The following PCSK4 variants were observed in gnomAD, a reference collection of about 807,000 sequenced individuals.
The protein encoded by PCSK4 is testicular tissue protein Li 135.
In PCSK4, 64 loss-of-function variants were observed where a neutral mutation model predicts 80.3. The ratio of observed to expected loss-of-function variants is 0.80; its 90% CI spans 0.65 to 0.98. The LOEUF is 0.98. Ranked by LOEUF, PCSK4 falls within the 50% of genes least tolerant of loss-of-function variation. The pLI, the probability that PCSK4 is intolerant of heterozygous loss-of-function variation, is 0.00. For synonymous variants in PCSK4, 561 were observed against 487.6 expected (o/e 1.15, Z -1.98); for missense variants, 1,213 against 1,093.6 (o/e 1.11, Z -1.54).
At chr19:1,490,612 C>T, upstream of PCSK4, 1 of 426,352 alleles carries the variant, frequency 2.3e-6, no homozygotes, top group Non-Finnish European at 4.1e-6. Context: ...CCCAGAGAAG[C>T]GGGTTCACTG....
intron 8 of PCSK4, among the ~76,000 whole-genome samples, chr19:1,485,935 T>C (rs994352691): frequency 4.0e-5 from 6 of 151,030 alleles, no homozygotes; most frequent in African/African-American, 1.2e-4. Context: ...CCTCCCAAAG[T>C]GAGCTGTTGC....
intron 2 of PCSK4, among the ~76,000 whole-genome samples, chr19:1,489,225 G>A (rs1448961945): frequency 2.7e-5 from 4 of 148,400 alleles, no homozygotes; most frequent in Non-Finnish European, 5.9e-5. Flanking sequence ...TCCGCCTCCC[G>A]GGTTCACACC....
At chr19:1,490,469 G>T, upstream of PCSK4, 1 of 535,428 alleles carries the variant, frequency 1.9e-6, no homozygotes, top group Non-Finnish European at 3.3e-6. Flanking sequence ...CTCCCAGGGG[G>T]CCTTGCGGCT....
At chr19:1,488,748 T>G (rs567814293) in intron 2 of PCSK4, among the ~76,000 whole-genome samples, 2 of 152,040 alleles carry the variant, frequency 1.3e-5, no homozygotes, top group Non-Finnish European at 2.9e-5. Context: ...GCCCGGCTAA[T>G]TTTTGTACAT....
exon 14 of PCSK4, chr19:1,482,471 C>T (rs765237169): frequency 9.4e-6 from 15 of 1,601,666 alleles, no homozygotes; most frequent in Admixed American, 6.7e-5. Context: ...AGCGGTACAA[C>T]GTCCCTGGAC....
In PCSK4 at chr19:1,483,774, G is replaced by C; in HGVS notation, c.1274-7C>G. The C allele has an allele frequency of 7.0e-6, 11 of 1,575,278 alleles. No homozygotes were observed. The highest frequency in any genetic ancestry group is 8.6e-6 in the Non-Finnish European group (10 of 1,168,342). ...TATCCGTAGTGATGGCTCACTGCGC[G>C]GAAGGGCAGCAGTCACTCGCCCCGT... On this transcript the variant is annotated splice_region_variant and splice_polypyrimidine_tract_variant and intron_variant, in intron 10 of 14. Coordinates refer to ENST00000300954, the Ensembl canonical transcript of PCSK4.
rs765580373 is a variant in PCSK4 at position 1,483,275 on chromosome 19, G to A, written c.1571+9C>T. 1.9e-6 allele frequency: 3 copies of A among 1,567,518 alleles called. No individual in the cohort carries two copies. Among genetic ancestry groups the A allele is most frequent in the Non-Finnish European group, 8.7e-7 (1 of 1,155,922 alleles). ...TGAGGCCGCCCCCTCTCCTCTGCGG[G>A]CCGCTCACCGTATGGCCACGAGTGT... On this transcript the variant is annotated intron_variant, in intron 12 of 14. Coordinates refer to ENST00000300954, the Ensembl canonical transcript of PCSK4.
chr19:1,484,259 G>A (rs1017521589), intron 8 of PCSK4, 132 bp from the exon 9 acceptor site: 16 of 581,378 alleles, frequency 2.8e-5, no homozygotes, highest in East Asian at 6.3e-5. Context: ...AGGCTGAGGC[G>A]GGCGTGTTGT....
exon 6 of PCSK4, chr19:1,487,646 A>G: frequency 6.4e-7 from 1 of 1,554,904 alleles, no homozygotes. Flanking sequence ...CACAGAAGCC[A>G]TTGTTGGCCA....
At chr19:1,483,041 G>A in intron 12 of PCSK4, 21 bp from the exon 13 acceptor site, 1 of 1,496,750 alleles carries the variant, frequency 6.7e-7, no homozygotes, top group Non-Finnish European at 9.0e-7. Flanking sequence ...AGGGTGGGTG[G>A]GGGTGGGGGT....
chr19:1,484,184 T>A (rs1197653055), intron 8 of PCSK4, 57 bp from the exon 9 acceptor site: 2 of 1,004,416 alleles, frequency 2.0e-6, no homozygotes, highest in African/African-American at 3.2e-5. Flanking sequence ...ATACAGCCCT[T>A]CTTCAAAAAG....
chr19:1,490,253 G>A, exon 1 of PCSK4: 1 of 1,610,842 alleles, frequency 6.2e-7, no homozygotes, highest in South Asian at 1.1e-5. Flanking sequence ...ACATAGATGG[G>A]GGCTCGGACC....
chr19:1,490,088 C>G (rs1599257555), intron 1 of PCSK4, 70 bp downstream of exon 1: 1 of 1,577,800 alleles, frequency 6.3e-7, no homozygotes, highest in East Asian at 2.3e-5. Context: ...GCTCCCTCCC[C>G]CTTGTCGGGG....
At chr19:1,484,588 T>G (rs1235606216) in intron 8 of PCSK4, among the ~76,000 whole-genome samples, 1 of 148,512 alleles carries the variant, frequency 6.7e-6, no homozygotes, top group Admixed American at 6.7e-5. Context: ...GAGGCCGAGG[T>G]GGGTGGATCA....
At chr19:1,485,560 C>A (rs1014425710) in intron 8 of PCSK4, among the ~76,000 whole-genome samples, 4 of 151,632 alleles carry the variant, frequency 2.6e-5, no homozygotes, top group East Asian at 1.9e-4. Context: ...GGTGACAGAG[C>A]GAGACTCCAT....
At chr19:1,484,163 G>C in intron 8 of PCSK4, 36 bp from the exon 9 acceptor site, 1 of 1,200,052 alleles carries the variant, frequency 8.3e-7, no homozygotes, top group East Asian at 2.6e-5. Context: ...GGGGGGCCGT[G>C]CACAGTGAGA....
exon 15 of PCSK4, chr19:1,481,727 C>A (rs368872756): frequency 6.9e-7 from 1 of 1,439,342 alleles, no homozygotes; most frequent in Admixed American, 2.5e-5. Flanking sequence ...GGGACCCAGG[C>A]GGGGGCAAGG....
intron 6 of PCSK4, 133 bp downstream of exon 6, chr19:1,487,470 C>A (rs1382029175): frequency 9.9e-7 from 1 of 1,006,988 alleles, no homozygotes; most frequent in Non-Finnish European, 1.5e-6. Flanking sequence ...ACCCCCCAAG[C>A]CCTGGAGTCT....
At position 1,487,325 on chromosome 19, in the gene PCSK4, G is replaced by A; in HGVS notation, c.683-12C>T. ...CAGCATCCGTACGCCTGCAGAGCCA[G>A]GGCGGGAGGGCCGCTGCCACCGGCC... On this transcript the variant is annotated splice_polypyrimidine_tract_variant and intron_variant, in intron 6 of 14. Transcript: ENST00000300954. 3 of 1,572,502 alleles carry A rather than the reference G, an allele frequency of 1.9e-6. No individual in the cohort carries two copies. The highest frequency in any genetic ancestry group is 2.6e-6 in the Non-Finnish European group (3 of 1,162,984).
Sources: gnomAD v4.1 joint callset for allele counts (sites outside exome capture counted in the v4.1 genomes callset) on GRCh38, gnomAD v4.1.1 for gene constraint, MANE v1.5 for transcripts, NCBI Gene and HGNC (gene_info 2026-07-23, HGNC 2026-07-21) for gene names.